Variants in CNTNAP2 observed in about 807,000 individuals in gnomAD.
CNTNAP2 encodes the protein contactin associated protein 2.
In CNTNAP2, 98 loss-of-function variants were observed where a neutral mutation model predicts 155.2. That is an observed-to-expected ratio of 0.63 (90% CI 0.54 to 0.75). CNTNAP2 has a LOEUF of 0.75. Among genes scored for constraint, CNTNAP2 ranks in the 30% least tolerant of loss-of-function variants. The pLI, the probability that CNTNAP2 is intolerant of heterozygous loss-of-function variation, is 0.00. For missense variants in CNTNAP2, 1,727 were observed against 1,688.1 expected, an observed-to-expected ratio of 1.02 and a Z score of -0.40; for synonymous variants, 651 against 631.2, an observed-to-expected ratio of 1.03 and a Z score of -0.47.
At chr7:148,149,537 C>T (rs1403990450) in intron 17 of CNTNAP2, among the ~76,000 whole-genome samples, 1 of 151,928 alleles carries the variant, frequency 6.6e-6, no homozygotes, top group Non-Finnish European at 1.5e-5. Context: ...TAAAATAAGG[C>T]TAGAAATGTG....
intron 8 of CNTNAP2, among the ~76,000 whole-genome samples, chr7:147,141,493 T>C (rs1801596598): frequency 6.6e-6 from 1 of 152,056 alleles, no homozygotes; most frequent in African/African-American, 2.4e-5. Flanking sequence ...TTTTAAGCCA[T>C]TTAATGCTTG....
At chr7:148,323,324 A>C (rs1285382118) in intron 21 of CNTNAP2, among the ~76,000 whole-genome samples, 1 of 32,484 alleles carries the variant, frequency 3.1e-5, no homozygotes, top group East Asian at 1.1e-3. Context: ...TTTTTTTTTC[A>C]GATTGTGATT....
At chr7:148,140,893 A>C (rs1336610226) in intron 16 of CNTNAP2, among the ~76,000 whole-genome samples, 1 of 152,276 alleles carries the variant, frequency 6.6e-6, no homozygotes, top group Non-Finnish European at 1.5e-5. Flanking sequence ...AGACCTCTTG[A>C]GGGCAAGGCT....
chr7:147,574,893 T>A (rs1800358120), intron 12 of CNTNAP2, among the ~76,000 whole-genome samples: 1 of 152,162 alleles, frequency 6.6e-6, no homozygotes, highest in South Asian at 2.1e-4. Flanking sequence ...GGATCTACTA[T>A]CTGTCAAACA....
intron 9 of CNTNAP2, among the ~76,000 whole-genome samples, chr7:147,334,726 C>T (rs575063550): frequency 3.2e-4 from 48 of 151,036 alleles, no homozygotes; most frequent in Admixed American, 2.8e-3. Context: ...CTTACTGTCA[C>T]CCCTAGCTGT....
intron 13 of CNTNAP2, among the ~76,000 whole-genome samples, chr7:147,817,397 G>A (rs887619028): frequency 1.6e-4 from 25 of 152,140 alleles, no homozygotes; most frequent in African/African-American, 5.3e-4. Flanking sequence ...GACAATGTTT[G>A]TGCTTTTAGA....
At chr7:147,535,132 C>A (rs1799516321) in intron 11 of CNTNAP2, among the ~76,000 whole-genome samples, 1 of 152,162 alleles carries the variant, frequency 6.6e-6, no homozygotes, top group Non-Finnish European at 1.5e-5. Flanking sequence ...GTGGTTCATG[C>A]CTATAATCCC....
intron 3 of CNTNAP2, among the ~76,000 whole-genome samples, chr7:146,992,925 G>A (rs1366483970): frequency 6.6e-6 from 1 of 152,070 alleles, no homozygotes; most frequent in African/African-American, 2.4e-5. Flanking sequence ...ATAATTGCTA[G>A]TGAATCCGTT....
intron 3 of CNTNAP2, among the ~76,000 whole-genome samples, chr7:146,983,314 A>G (rs1342104952): frequency 6.6e-6 from 1 of 152,166 alleles, no homozygotes; most frequent in Admixed American, 6.6e-5. Context: ...TTACCCTCTT[A>G]CCTAGAGGAA....
chr7:148,118,278 G>A lies in CNTNAP2; in HGVS notation c.2544G>A (p.Leu848=), dbSNP rs770734537. Residue 848 remains leucine (L), a synonymous_variant, in exon 16 of 24, where the codon CTG becomes CTA. Transcript: ENST00000361727. The part of the protein sequence containing the change: ...ENMGKEDFIK[L]ELKSATEVSF... ...TGGGAAAGGAAGATTTCATCAAGCTGGAGCTGAAGTGTGAGTATAAGTTGC... is the reference window on the plus strand; with the variant it reads ...TGGGAAAGGAAGATTTCATCAAGCTAGAGCTGAAGTGTGAGTATAAGTTGC... 3 of 1,614,124 alleles carry A rather than the reference G, an allele frequency of 1.9e-6. No homozygotes were observed. The highest frequency in any genetic ancestry group is 8.5e-7 in the Non-Finnish European group (1 of 1,180,012).
chr7:147,047,253 T>C (rs531724325), intron 4 of CNTNAP2, among the ~76,000 whole-genome samples: 199 of 146,132 alleles, frequency 1.4e-3, no homozygotes, highest in Non-Finnish European at 2.5e-3. Flanking sequence ...GGACTACAGG[T>C]GACCACCACC....
At chr7:147,078,971 G>A (rs1399990026) in intron 4 of CNTNAP2, among the ~76,000 whole-genome samples, 1 of 151,870 alleles carries the variant, frequency 6.6e-6, no homozygotes, top group South Asian at 2.1e-4. Flanking sequence ...GGTTGGTCTC[G>A]AACTTCTGAC....
intron 1 of CNTNAP2, among the ~76,000 whole-genome samples, chr7:146,140,627 A>T (rs1181914690): frequency 1.3e-5 from 2 of 152,134 alleles, no homozygotes; most frequent in East Asian, 3.9e-4. Context: ...TCTTTTGGGT[A>T]GTTAATAAAT....
intron 1 of CNTNAP2, among the ~76,000 whole-genome samples, chr7:146,647,191 T>A (rs10262146): frequency 0.7 from 106,145 of 151,996 alleles, 37,719 homozygotes; most frequent in South Asian, 0.84. Flanking sequence ...TGCTACAGCA[T>A]CTCAGTCCAA....
At chr7:147,558,441 A>C (rs1799991798) in intron 11 of CNTNAP2, among the ~76,000 whole-genome samples, 1 of 152,214 alleles carries the variant, frequency 6.6e-6, no homozygotes, top group Non-Finnish European at 1.5e-5. Context: ...GTCTGAGGAC[A>C]GTAGTGCCAG....
At chr7:146,702,674 C>T (rs535254705) in intron 1 of CNTNAP2, among the ~76,000 whole-genome samples, 1 of 152,158 alleles carries the variant, frequency 6.6e-6, no homozygotes, top group Admixed American at 6.6e-5. Context: ...TATTAGATGG[C>T]ACAGCCCAAA....
intron 2 of CNTNAP2, among the ~76,000 whole-genome samples, chr7:146,797,504 A>G (rs774863293): frequency 6.6e-6 from 1 of 152,210 alleles, no homozygotes; most frequent in Non-Finnish European, 1.5e-5. Flanking sequence ...TGCCTTGTGG[A>G]GGATGAACTG....
intron 1 of CNTNAP2, among the ~76,000 whole-genome samples, chr7:146,498,088 G>A (rs1022308020): frequency 5.3e-5 from 8 of 152,080 alleles, no homozygotes; most frequent in Non-Finnish European, 8.8e-5. Flanking sequence ...TGTAGATAAA[G>A]CATTAATTGA....
intron 8 of CNTNAP2, among the ~76,000 whole-genome samples, chr7:147,239,065 G>A (rs894123292): frequency 5.3e-5 from 8 of 152,190 alleles, no homozygotes; most frequent in African/African-American, 1.9e-4. Flanking sequence ...AAGAAAAAGA[G>A]AGTGAGAGTG....
Sources: gnomAD v4.1 joint callset for allele counts (sites outside exome capture counted in the v4.1 genomes callset) on GRCh38, gnomAD v4.1.1 for gene constraint, MANE v1.5 for transcripts, NCBI Gene and HGNC (gene_info 2026-07-23, HGNC 2026-07-21) for gene names.